Variants in SERINC3 observed in about 807,000 individuals in gnomAD.
SERINC3 encodes the protein tumor differentially expressed protein 1.
A neutral mutation model predicts 52.1 loss-of-function variants in SERINC3; 22 were observed. The observed-to-expected ratio is 0.42, with a 90% CI of 0.30 to 0.60. SERINC3 has a LOEUF of 0.60. Ranked by LOEUF, SERINC3 falls within the 20% of genes least tolerant of loss-of-function variation. The probability of loss-of-function intolerance (pLI) is 0.16; values close to 1 mark genes in which losing one functional copy is unlikely to be tolerated. For missense variants in SERINC3, 564 were observed against 584.6 expected (o/e 0.96, Z 0.36); for synonymous variants, 226 against 212.7 (o/e 1.06, Z -0.54).
chr20:44,501,630 T>TC (rs2064280719), intron 8 of SERINC3, among the ~76,000 whole-genome samples: 1 of 152,176 alleles, frequency 6.6e-6, no homozygotes, highest in Admixed American at 6.5e-5. Flanking sequence ...AACTTACTCA[T>TC]CCTTCACTTC....
chr20:44,516,537 T>C (rs2064382036), intron 1 of SERINC3, among the ~76,000 whole-genome samples: 1 of 151,626 alleles, frequency 6.6e-6, no homozygotes, highest in South Asian at 2.1e-4. Flanking sequence ...TTACAGGGAT[T>C]ACAGACACGT....
chr20:44,505,845 C>T (rs929965671), intron 6 of SERINC3, among the ~76,000 whole-genome samples: 3 of 152,074 alleles, frequency 2.0e-5, no homozygotes, highest in African/African-American at 7.2e-5. Context: ...AGTGATCCAC[C>T]CGCCTTGGCC....
At chr20:44,504,051 A>C in intron 7 of SERINC3, 56 bp from the exon 8 acceptor site, 1 of 1,445,712 alleles carries the variant, frequency 6.9e-7, no homozygotes, top group Non-Finnish European at 9.3e-7. Context: ...GTTCCAAGAA[A>C]GAACTTGAGG....
intron 1 of SERINC3, among the ~76,000 whole-genome samples, chr20:44,517,899 T>C (rs2064390496): frequency 1.3e-5 from 2 of 152,220 alleles, no homozygotes; most frequent in South Asian, 4.1e-4. Context: ...TGTCCTACTA[T>C]ATGTTATGTC....
At chr20:44,509,189 C>A (rs989083028) in intron 5 of SERINC3, among the ~76,000 whole-genome samples, 1 of 152,144 alleles carries the variant, frequency 6.6e-6, no homozygotes, top group Non-Finnish European at 1.5e-5. Flanking sequence ...GTAAGTGCCC[C>A]TTTCCCACCA....
chr20:44,517,155 G>A (rs767729216), intron 1 of SERINC3, among the ~76,000 whole-genome samples: 1 of 152,272 alleles, frequency 6.6e-6, no homozygotes, highest in East Asian at 1.9e-4. Context: ...CAGGGTGATT[G>A]AGCAAAGAAT....
At chr20:44,520,261 G>T (rs6031643) in intron 1 of SERINC3, among the ~76,000 whole-genome samples, 11,246 of 152,134 alleles carry the variant, frequency 0.074, 453 homozygotes, top group South Asian at 0.14. Flanking sequence ...TATAATCCCA[G>T]CTACTCCGGG....
chr20:44,506,714 GA>G, intron 6 of SERINC3, 112 bp downstream of exon 6: 3 of 581,582 alleles, frequency 5.2e-6, no homozygotes, highest in Non-Finnish European at 7.9e-6. Flanking sequence ...TTATAATATG[GA>G]AAAATGTTCA....
In SERINC3 at chr20:44,500,346, C is replaced by T. The variant is rs140618316; in HGVS notation, c.1372G>A (p.Val458Ile). The T allele has an allele frequency of 1.2e-4, 197 of 1,609,914 alleles. No homozygotes were observed. The African/African-American group carries it at 2.4e-3, about 20-fold the overall frequency. Reference sequence around the variant, plus strand: ...ACAAGTGGAGCCACAAGGGTCCAGACGTAAAGCAGGAGGCAGACCCAGCTG... The same window carrying T: ...ACAAGTGGAGCCACAAGGGTCCAGATGTAAAGCAGGAGGCAGACCCAGCTG... Reference protein sequence around the residue: ...SSSWVCLLLYVWTLVAPLVLT... With the variant: ...SSSWVCLLLYIWTLVAPLVLT... The change falls in exon 10 of 10, where the codon GTC (valine) becomes ATC (isoleucine). Residue 458 changes from valine (V) to isoleucine (I), a missense_variant. Physicochemically the swap from Val to Ile is conservative, Grantham distance 29. Transcript: ENST00000342374.
chr20:44,511,275 A>G lies in SERINC3; in HGVS notation c.475+14T>C, dbSNP rs1408821431. On this transcript the variant is annotated intron_variant, in intron 4 of 9. Transcript: ENST00000342374. ...ATATAGTTTAAAATTAACCCCCTCAATGGTGAACCCTACCTGAGCTGAAAT... is the reference window on the plus strand; with the variant it reads ...ATATAGTTTAAAATTAACCCCCTCAGTGGTGAACCCTACCTGAGCTGAAAT... 1.2e-5 allele frequency: 18 copies of G among 1,563,816 alleles called. No homozygotes were observed. Among genetic ancestry groups the G allele is most frequent in the Non-Finnish European group, 1.4e-5 (16 of 1,134,722 alleles).
chr20:44,496,784 ACT>A (rs915539224), downstream of SERINC3, among the ~76,000 whole-genome samples: 12 of 152,122 alleles, frequency 7.9e-5, no homozygotes, highest in African/African-American at 2.9e-4. Context: ...ACAGAGCAAA[ACT>A]CTGTCTAAAA....
In SERINC3 at chr20:44,500,178, C is replaced by G. The variant is rs1215806921; in HGVS notation, c.*118G>C. 9.3e-7 allele frequency: 1 copy of G among 1,077,046 alleles called. No homozygotes were observed. The highest frequency in any genetic ancestry group is 1.3e-6 in the Non-Finnish European group (1 of 757,090). The allele number at this position is 1,077,046 out of a possible 1,614,324, so 66.7% of individuals were successfully genotyped here. ...TCACCTTCTGATATAAACCTGCATA[C>G]AGTCAAACTTGCAAAGCATTCACTT... On this transcript the variant is annotated 3_prime_UTR_variant, in exon 10 of 10. Coordinates refer to ENST00000342374, the MANE Select transcript of SERINC3 (RefSeq NM_006811.4).
intron 5 of SERINC3, among the ~76,000 whole-genome samples, chr20:44,507,627 T>C (rs1600812842): frequency 6.6e-6 from 1 of 152,228 alleles, no homozygotes; most frequent in Non-Finnish European, 1.5e-5. Context: ...TCCCAGCACT[T>C]TGGGAGGCCA....
intron 3 of SERINC3, 85 bp downstream of exon 3, chr20:44,512,716 A>G: frequency 9.4e-7 from 1 of 1,062,526 alleles, no homozygotes; most frequent in South Asian, 1.7e-5. Context: ...TATTCCATTG[A>G]TTTCATCAGA....
intron 3 of SERINC3, among the ~76,000 whole-genome samples, chr20:44,512,504 C>A (rs771686748): frequency 6.6e-6 from 1 of 151,914 alleles, no homozygotes; most frequent in Non-Finnish European, 1.5e-5. Flanking sequence ...TGTGTGTGTA[C>A]GTAGTATCTA....
chr20:44,500,609 G>T (rs938148804), intron 9 of SERINC3, among the ~76,000 whole-genome samples, 175 bp from the exon 10 acceptor site: 2 of 152,172 alleles, frequency 1.3e-5, no homozygotes, highest in African/African-American at 4.8e-5. Context: ...TTATGACCAA[G>T]AACTAAACAG....
chr20:44,510,875 C>T (rs2064343031), intron 4 of SERINC3, among the ~76,000 whole-genome samples: 1 of 151,686 alleles, frequency 6.6e-6, no homozygotes, highest in African/African-American at 2.4e-5. Flanking sequence ...ATCTCATTTA[C>T]TTGTCAGTTC....
At chr20:44,501,337 G>C in intron 8 of SERINC3, 37 bp from the exon 9 acceptor site, 1 of 1,563,572 alleles carries the variant, frequency 6.4e-7, no homozygotes, top group South Asian at 1.1e-5. Flanking sequence ...ATCAGAAAGG[G>C]GCCATGACAA....
chr20:44,501,338 G>C, intron 8 of SERINC3, 38 bp from the exon 9 acceptor site: 1 of 1,559,012 alleles, frequency 6.4e-7, no homozygotes, highest in Non-Finnish European at 8.8e-7. Flanking sequence ...TCAGAAAGGG[G>C]CCATGACAAT....
Sources: allele counts gnomAD v4.1 joint callset (sites outside exome capture counted in the v4.1 genomes callset), GRCh38; gene constraint gnomAD v4.1.1; transcripts MANE v1.5; gene names NCBI Gene and HGNC (gene_info 2026-07-23, HGNC 2026-07-21).